The following ZSWIM4 variants were observed in gnomAD, a reference collection of about 807,000 sequenced individuals.
The protein encoded by ZSWIM4 is zinc finger SWIM-type containing 4.
ZSWIM4 carries 62 observed loss-of-function variants against 102.5 expected under a neutral mutation model. That is an observed-to-expected ratio of 0.60 (90% CI 0.49 to 0.75). The LOEUF (loss-of-function observed/expected upper bound fraction) is 0.75, where lower values mean the gene tolerates loss of function less well. Ranked by LOEUF, ZSWIM4 falls within the 30% of genes least tolerant of loss-of-function variation. ZSWIM4 has a pLI of 0.00. For synonymous variants in ZSWIM4, 652 were observed against 674.5 expected (o/e 0.97, Z 0.52); for missense variants, 1,280 against 1,529.6 (o/e 0.84, Z 2.72).
chr19:13,817,357 C>T lies in ZSWIM4; in HGVS notation c.1669+4C>T, dbSNP rs1001926745. The stretch of plus-strand genomic sequence containing the variant: ...GAGACACTTACCCTTTACCCAGGTA[C>T]TCACATGGGGTACTCTTGGAGGAGG... On this transcript the variant is annotated splice_donor_region_variant and intron_variant, in intron 8 of 13. Coordinates refer to ENST00000590508, the MANE Select transcript of ZSWIM4 (RefSeq NM_001367834.3). 3 of 1,612,474 alleles carry T rather than the reference C, an allele frequency of 1.9e-6. No homozygotes were observed. The highest frequency in any genetic ancestry group is 1.1e-5 in the South Asian group (1 of 90,880).
intron 9 of ZSWIM4, 26 bp from the exon 10 acceptor site, chr19:13,819,331 G>T: frequency 1.9e-6 from 3 of 1,613,134 alleles, no homozygotes; most frequent in Non-Finnish European, 2.5e-6. Context: ...CCACACTTGG[G>T]GACTGAGCTC....
At chr19:13,803,126 C>T (rs115901102) in intron 2 of ZSWIM4, among the ~76,000 whole-genome samples, 2,627 of 152,330 alleles carry the variant, frequency 0.017, 70 homozygotes, top group African/African-American at 0.06. Context: ...GATATGATGC[C>T]CCGTCGGCTC....
rs1361360684 is a variant in ZSWIM4 at position 13,830,554 on chromosome 19, C to T, written c.2825C>T (p.Ala942Val). ...CTGCCGCTCCGGGCCTACAAGCTGG[C>T]GACGCTGGCCCTGGCGCAGCTCAGC... ...RGLPLRAYKLATLALAQLSIA... is the reference protein window; with the variant it reads ...RGLPLRAYKLVTLALAQLSIA... The change falls in exon 14 of 14, where the codon GCG (alanine) becomes GTG (valine). Residue 942 changes from alanine to valine, a missense_variant. By Grantham distance (64) the Ala-to-Val change is moderately conservative. Coordinates refer to ENST00000590508, the MANE Select transcript of ZSWIM4 (RefSeq NM_001367834.3). The T allele has an allele frequency of 1.3e-6, 2 of 1,599,516 alleles. No homozygotes were observed. Among genetic ancestry groups the T allele is most frequent in the East Asian group, 2.2e-5 (1 of 44,846 alleles).
rs879794960 is a variant in ZSWIM4 at position 13,806,449 on chromosome 19, T to C, written c.712+1301T>C. On this transcript the variant is annotated intron_variant, in intron 3 of 13. Coordinates refer to ENST00000590508, the MANE Select transcript of ZSWIM4 (RefSeq NM_001367834.3). ...TGGGAGGCTGAGGAAGGAGGATCAC[T>C]CGAGACCAGCAGTTCAAGACCGGCC... Among the ~76,000 whole-genome samples the C allele has an allele frequency of 5.1e-3, 769 of 151,998 alleles. 1 individual carries two copies. Among genetic ancestry groups the C allele is most frequent in the Non-Finnish European group, 8.0e-3 (541 of 67,962 alleles).
rs2064652119 is a variant in ZSWIM4 at position 13,818,040 on chromosome 19, C to T, written c.1924+64C>T. 3 of 1,426,716 alleles carry T rather than the reference C, an allele frequency of 2.1e-6. No homozygotes were observed. In the Admixed American group the frequency reaches 8.8e-5, roughly 42 times the overall value. 88.4% of individuals were successfully genotyped at this position (1,426,716 alleles called of 1,614,324 possible). Reference sequence around the variant, plus strand: ...TAGGGTCCAGCCCCTGGTCCTGTAGCGGCCCGGTTGCTGCCAGATGGGAGG... The same window carrying T: ...TAGGGTCCAGCCCCTGGTCCTGTAGTGGCCCGGTTGCTGCCAGATGGGAGG... On this transcript the variant is annotated intron_variant, in intron 9 of 13. Coordinates refer to ENST00000590508, the MANE Select transcript of ZSWIM4 (RefSeq NM_001367834.3).
At position 13,831,166 on chromosome 19, in the gene ZSWIM4, C is replaced by A; in HGVS notation, c.*116C>A. 7.3e-7 allele frequency: 1 copy of A among 1,366,676 alleles called. No homozygotes were observed. Among genetic ancestry groups the A allele is most frequent in the Non-Finnish European group, 9.8e-7 (1 of 1,022,114 alleles). The allele number at this position is 1,366,676 out of a possible 1,614,324, so 84.7% of individuals were successfully genotyped here. A position where few individuals can be genotyped will look rare whatever the true frequency, so the allele number is the denominator to read the frequency against. On this transcript the variant is annotated 3_prime_UTR_variant, in exon 14 of 14. Transcript: ENST00000590508. ...TTATTAAGTCAGGGAAGGAGCCCGG[C>A]TGGAGATGGGGGCAGGGGGAGCAGC...
intron 1 of ZSWIM4, among the ~76,000 whole-genome samples, chr19:13,797,633 A>C (rs762583274): frequency 6.3e-5 from 9 of 143,602 alleles, no homozygotes; most frequent in Non-Finnish European, 1.2e-4. Context: ...AAAGAAAAGA[A>C]AAGAAAATCT....
Position 13,823,517 on chromosome 19 carries a change from TC to T in ZSWIM4, c.2215+20del. The T allele has an allele frequency of 6.4e-7, 1 of 1,555,058 alleles. No individual in the cohort carries two copies. Among genetic ancestry groups the T allele is most frequent in the Non-Finnish European group, 8.7e-7 (1 of 1,148,516 alleles). ...CCGCCAAGGGTGAGGCTGGCAGCTG[TC>T]CCGATTCCTTTGTCTTCCTCCTCTG... is the stretch of plus-strand genomic sequence containing the variant. On this transcript the variant is annotated intron_variant, in intron 11 of 13. Transcript: ENST00000590508.
At chr19:13,807,199 T>C (rs962455162) in intron 3 of ZSWIM4, among the ~76,000 whole-genome samples, 1 of 151,860 alleles carries the variant, frequency 6.6e-6, no homozygotes, top group African/African-American at 2.4e-5. Context: ...AGTGGGCAGA[T>C]AGATCAATAA....
At chr19:13,819,630 T>C (rs1975407372) in intron 10 of ZSWIM4, 138 bp downstream of exon 10, 22 of 745,758 alleles carry the variant, frequency 3.0e-5, no homozygotes, top group Non-Finnish European at 4.1e-5. Context: ...TGGCATTTGA[T>C]GATGCCATGT....
chr19:13,798,885 T>C (rs958721265), intron 1 of ZSWIM4, among the ~76,000 whole-genome samples: 1 of 151,804 alleles, frequency 6.6e-6, no homozygotes, highest in East Asian at 1.9e-4. Flanking sequence ...GCCTCCCGGG[T>C]TCAAGTGGTT....
rs898023201 is a variant in ZSWIM4 at position 13,819,473 on chromosome 19, C to T, written c.2041C>T (p.Leu681Phe). The T allele has an allele frequency of 3.1e-6, 5 of 1,604,866 alleles. No homozygotes were observed. Among genetic ancestry groups the T allele is most frequent in the Admixed American group, 1.7e-5 (1 of 58,650 alleles). ...LPHDPDLAYR[L>F]ALRAMRLPIL... Reference sequence around the variant, plus strand: ...TCATGACCCGGACCTGGCCTATCGCCTCGCGCTGCGAGCTATGAGGTGAGG... The same window carrying T: ...TCATGACCCGGACCTGGCCTATCGCTTCGCGCTGCGAGCTATGAGGTGAGG... The change falls in exon 10 of 14, where the codon CTC becomes TTC. Residue 681 changes from leucine (L) to phenylalanine (F), a missense_variant. Physicochemically the swap from Leu to Phe is conservative, Grantham distance 22 (BLOSUM62 0). Transcript: ENST00000590508.
chr19:13,830,681 C>G lies in ZSWIM4; in HGVS notation c.2952C>G (p.Pro984=). ...LGRHELSAIV[P]LIIRSIHCAP... is the part of the protein sequence containing the mutation. ...GGCACGAGCTCTCTGCCATCGTCCC[C>G]CTCATCATTCGCAGCATCCACTGTG... The change falls in exon 14 of 14, where the codon CCC becomes CCG. Residue 984 remains proline (P), a synonymous_variant. Coordinates refer to ENST00000590508, the MANE Select transcript of ZSWIM4 (RefSeq NM_001367834.3). 1 of 1,605,634 alleles carries G rather than the reference C, an allele frequency of 6.2e-7. No homozygotes were observed. Among genetic ancestry groups the G allele is most frequent in the Non-Finnish European group, 8.5e-7 (1 of 1,179,346 alleles).
At chr19:13,803,079 C>G (rs1258307232) in intron 2 of ZSWIM4, among the ~76,000 whole-genome samples, 3 of 152,248 alleles carry the variant, frequency 2.0e-5, no homozygotes, top group Non-Finnish European at 4.4e-5. Flanking sequence ...CTGGCTGCAG[C>G]AGGCCATTTC....
At chr19:13,828,433 C>T (rs1294797877) in intron 12 of ZSWIM4, among the ~76,000 whole-genome samples, 1 of 151,846 alleles carries the variant, frequency 6.6e-6, no homozygotes. Flanking sequence ...AAAACAACAA[C>T]AAAAAAGAAA....
At chr19:13,829,464 G>A (rs911271156) in intron 13 of ZSWIM4, among the ~76,000 whole-genome samples, 3 of 152,066 alleles carry the variant, frequency 2.0e-5, no homozygotes, top group Non-Finnish European at 4.4e-5. Flanking sequence ...GGTGGCAGGT[G>A]CCTGTAATTC....
chr19:13,821,171 C>T (rs983205880), intron 10 of ZSWIM4, among the ~76,000 whole-genome samples: 17 of 151,816 alleles, frequency 1.1e-4, no homozygotes, highest in Admixed American at 9.9e-4. Flanking sequence ...GTAATCCCAG[C>T]TACTCCGGAG....
intron 3 of ZSWIM4, among the ~76,000 whole-genome samples, chr19:13,806,236 T>A (rs1207592453): frequency 6.6e-6 from 1 of 151,264 alleles, no homozygotes; most frequent in Non-Finnish European, 1.5e-5. Context: ...GAGACAGGGG[T>A]TTCCCCATGT....
intron 5 of ZSWIM4, among the ~76,000 whole-genome samples, chr19:13,810,158 C>T (rs1975038297): frequency 1.3e-5 from 2 of 151,462 alleles, no homozygotes; most frequent in African/African-American, 4.9e-5. Context: ...CTAAGTCCGG[C>T]TAATTTTTTG....
Sources: allele counts gnomAD v4.1 joint callset (sites outside exome capture counted in the v4.1 genomes callset), GRCh38; gene constraint gnomAD v4.1.1; transcripts MANE v1.5; gene names NCBI Gene and HGNC (gene_info 2026-07-23, HGNC 2026-07-21).